The following DCDC1 variants were observed in gnomAD, a reference collection of about 807,000 sequenced individuals.
DCDC1 encodes doublecortin domain containing 1.
DCDC1 carries 200 observed loss-of-function variants against 178.3 expected under a neutral mutation model. The ratio of observed to expected loss-of-function variants is 1.12; its 90% confidence interval spans 1.00 to 1.26. The LOEUF is 1.26. DCDC1 is among the 50% of genes most tolerant of loss of function. The probability of loss-of-function intolerance (pLI) is 0.00; values close to 1 mark genes in which losing one functional copy is unlikely to be tolerated. For synonymous variants in DCDC1, 690 were observed against 604.8 expected (o/e 1.14, Z -2.07); for missense variants, 1,983 against 1,749.2 (o/e 1.13, Z -2.38).
intron 17 of DCDC1, among the ~76,000 whole-genome samples, chr11:31,080,122 A>G (rs1035956767): frequency 6.6e-6 from 1 of 152,184 alleles, no homozygotes; most frequent in Non-Finnish European, 1.5e-5. Context: ...CTATATTATA[A>G]TTAATAAAGG....
chr11:30,959,392 T>A (rs1948958886), intron 20 of DCDC1, among the ~76,000 whole-genome samples: 1 of 152,118 alleles, frequency 6.6e-6, no homozygotes, highest in South Asian at 2.1e-4. Flanking sequence ...TCCTCCCTGT[T>A]CACATGTTCA....
chr11:30,872,648 C>T (rs1941694181), intron 38 of DCDC1, among the ~76,000 whole-genome samples: 1 of 152,040 alleles, frequency 6.6e-6, no homozygotes, highest in African/African-American at 2.4e-5. Flanking sequence ...ACTCCGTTCC[C>T]TACGACAACC....
At chr11:31,213,937 T>C (rs1973197053) in intron 9 of DCDC1, among the ~76,000 whole-genome samples, 1 of 152,158 alleles carries the variant, frequency 6.6e-6, no homozygotes, top group Admixed American at 6.5e-5. Flanking sequence ...TACATATATA[T>C]ATGAATATGC....
At chr11:30,909,177 T>A in intron 28 of DCDC1, 61 bp from the exon 29 acceptor site, 1 of 1,423,208 alleles carries the variant, frequency 7.0e-7, no homozygotes, top group Non-Finnish European at 9.5e-7. Flanking sequence ...AGTGTCTTGT[T>A]TTTCATTGCA....
At chr11:31,033,209 A>G (rs1291508348) in intron 20 of DCDC1, among the ~76,000 whole-genome samples, 1 of 152,230 alleles carries the variant, frequency 6.6e-6, no homozygotes, top group African/African-American at 2.4e-5. Context: ...TTTCAAGTGT[A>G]GAGAGGAAGA....
At chr11:30,891,056 G>T (rs1590243708) in intron 36 of DCDC1, among the ~76,000 whole-genome samples, 1 of 152,240 alleles carries the variant, frequency 6.6e-6, no homozygotes, top group African/African-American at 2.4e-5. Flanking sequence ...GTCTTCCAAA[G>T]AGTTGTACTT....
intron 9 of DCDC1, among the ~76,000 whole-genome samples, chr11:31,189,411 T>G (rs1407812912): frequency 6.6e-6 from 1 of 152,162 alleles, no homozygotes; most frequent in Non-Finnish European, 1.5e-5. Flanking sequence ...CCATCTGTGA[T>G]CTCTGTTTTT....
intron 20 of DCDC1, among the ~76,000 whole-genome samples, chr11:30,985,304 G>A (rs1335293049): frequency 6.6e-6 from 1 of 152,116 alleles, no homozygotes; most frequent in African/African-American, 2.4e-5. Flanking sequence ...AATCATTTCA[G>A]TTTCTGAACT....
intron 38 of DCDC1, among the ~76,000 whole-genome samples, chr11:30,877,667 T>A (rs987534284): frequency 1.3e-5 from 2 of 152,188 alleles, no homozygotes; most frequent in Non-Finnish European, 2.9e-5. Context: ...AATCTAACTG[T>A]ACCCCATAAA....
At chr11:30,872,568 G>C (rs148875666) in intron 38 of DCDC1, among the ~76,000 whole-genome samples, 1 of 152,052 alleles carries the variant, frequency 6.6e-6, no homozygotes, top group African/African-American at 2.4e-5. Flanking sequence ...GTTGGACAGT[G>C]GCTACTTTGG....
intron 20 of DCDC1, among the ~76,000 whole-genome samples, chr11:31,053,056 G>A (rs1565224831): frequency 6.6e-6 from 1 of 152,102 alleles, no homozygotes. Context: ...CTGGTTCTTT[G>A]AGAAGATAAA....
At chr11:30,894,806 A>T (rs550022028) in intron 34 of DCDC1, among the ~76,000 whole-genome samples, 87 of 152,312 alleles carry the variant, frequency 5.7e-4, no homozygotes, top group Non-Finnish European at 2.4e-4. Flanking sequence ...CAGCCTGGGG[A>T]TTAAGTATTT....
chr11:31,133,930 T>G (rs1427941424), intron 10 of DCDC1, among the ~76,000 whole-genome samples: 2 of 152,194 alleles, frequency 1.3e-5, no homozygotes, highest in Non-Finnish European at 2.9e-5. Flanking sequence ...CTCGAACCCC[T>G]GGTCTCAAGT....
At chr11:31,116,376 T>C (rs1483484763) in intron 11 of DCDC1, among the ~76,000 whole-genome samples, 3 of 152,038 alleles carry the variant, frequency 2.0e-5, no homozygotes, top group African/African-American at 2.4e-5. Context: ...ATTTTTCTTA[T>C]GTAAGAAGCT....
chr11:31,268,832 C>T (rs1299671855), intron 7 of DCDC1, among the ~76,000 whole-genome samples: 1 of 152,192 alleles, frequency 6.6e-6, no homozygotes, highest in African/African-American at 2.4e-5. Flanking sequence ...TACATTCTTA[C>T]CAACAGTGTA....
At chr11:31,326,265 T>G (rs904157794) in intron 3 of DCDC1, among the ~76,000 whole-genome samples, 5 of 151,432 alleles carry the variant, frequency 3.3e-5, no homozygotes, top group Non-Finnish European at 5.9e-5. Context: ...TGACATATAA[T>G]GAAAAGGACA....
intron 9 of DCDC1, among the ~76,000 whole-genome samples, chr11:31,212,657 T>C (rs907618852): frequency 4.6e-5 from 7 of 152,102 alleles, no homozygotes; most frequent in African/African-American, 1.7e-4. Flanking sequence ...TGAATAAAAA[T>C]GACGATGCAA....
At chr11:30,916,812 G>A in intron 26 of DCDC1, 58 bp downstream of exon 26, 2 of 1,508,776 alleles carry the variant, frequency 1.3e-6, no homozygotes, top group South Asian at 1.5e-5. Context: ...TGTGTCCCAA[G>A]GTGAGAAAAC....
chr11:31,203,786 C>T (rs1455114036), intron 9 of DCDC1, among the ~76,000 whole-genome samples: 1 of 152,186 alleles, frequency 6.6e-6, no homozygotes, highest in African/African-American at 2.4e-5. Context: ...TTTAGAAGCA[C>T]TCATTCTATT....
Sources: allele counts gnomAD v4.1 joint callset (sites outside exome capture counted in the v4.1 genomes callset), GRCh38; gene constraint gnomAD v4.1.1; transcripts MANE v1.5; gene names NCBI Gene and HGNC (gene_info 2026-07-23, HGNC 2026-07-21).